The following RYR3 variants were observed in gnomAD, a reference collection of about 807,000 sequenced individuals.
The protein encoded by RYR3 is brain ryanodine receptor-calcium release channel.
RYR3 carries 207 observed loss-of-function variants against 584.3 expected under a neutral mutation model. The ratio of observed to expected loss-of-function variants is 0.35; its 90% CI spans 0.32 to 0.40. RYR3 has a LOEUF of 0.40. RYR3 is among the 10% of genes least tolerant of loss of function. The pLI is 1.00. For missense variants in RYR3, 5,616 were observed against 6,089.2 expected (o/e 0.92, Z 2.59); for synonymous variants, 2,416 against 2,248.5 (o/e 1.07, Z -2.11).
At chr15:33,672,875 G>A (rs1328696666) in intron 38 of RYR3, among the ~76,000 whole-genome samples, 2 of 152,102 alleles carry the variant, frequency 1.3e-5, no homozygotes, top group Admixed American at 1.3e-4. Context: ...TGTATAGTTG[G>A]GGGAAGCAGG....
Position 33,865,133 on chromosome 15 carries a change from A to T in RYR3, c.14520A>T (p.Glu4840Asp). ...ACCCGTTGTTCATATTATTTCAGGA[A>T]TCTTATGTCTGGAAGATGTACCAAG... ...NKDETEHTGQ[E>D]SYVWKMYQER... Residue 4840 changes from glutamate (E) to aspartate (D), a missense_variant and splice_region_variant, in exon 104 of 104, where the codon GAA becomes GAT. Coordinates refer to ENST00000634891, the MANE Select transcript of RYR3 (RefSeq NM_001036.6). 1 of 1,611,394 alleles carries T rather than the reference A, an allele frequency of 6.2e-7. No homozygotes were observed. The highest frequency in any genetic ancestry group is 8.5e-7 in the Non-Finnish European group (1 of 1,178,148).
intron 1 of RYR3, among the ~76,000 whole-genome samples, chr15:33,353,000 A>G (rs1402452173): frequency 7.0e-6 from 1 of 143,450 alleles, no homozygotes; most frequent in Non-Finnish European, 1.5e-5. Flanking sequence ...AGTGCCCCCC[A>G]AAATGGAGCA....
intron 69 of RYR3, among the ~76,000 whole-genome samples, chr15:33,806,522 T>C (rs1333531229): frequency 1.3e-5 from 2 of 149,566 alleles, no homozygotes; most frequent in Admixed American, 1.3e-4. Flanking sequence ...CGCAAGAAAA[T>C]AAAACGTTTC....
chr15:33,819,237 T>A (rs1200935741), intron 76 of RYR3, among the ~76,000 whole-genome samples: 1 of 152,242 alleles, frequency 6.6e-6, no homozygotes. Flanking sequence ...ATCTCTGAAT[T>A]CCATGTTAAG....
chr15:33,359,122 T>C (rs1974385831), intron 1 of RYR3, among the ~76,000 whole-genome samples: 1 of 152,198 alleles, frequency 6.6e-6, no homozygotes, highest in African/African-American at 2.4e-5. Flanking sequence ...GCTCCAACGG[T>C]GTGATAGTCT....
chr15:33,527,858 T>G (rs1290347492), intron 3 of RYR3, among the ~76,000 whole-genome samples: 1 of 152,058 alleles, frequency 6.6e-6, no homozygotes, highest in Non-Finnish European at 1.5e-5. Context: ...GGTCGGTGAT[T>G]AACAAAACCC....
intron 32 of RYR3, among the ~76,000 whole-genome samples, chr15:33,657,104 TG>T (rs2062860339): frequency 6.6e-6 from 1 of 152,138 alleles, no homozygotes; most frequent in South Asian, 2.1e-4. Context: ...AGCCCACACT[TG>T]TGTTTTTTTC....
intron 85 of RYR3, among the ~76,000 whole-genome samples, chr15:33,830,640 A>T (rs1383115819): frequency 2.0e-5 from 3 of 152,160 alleles, no homozygotes; most frequent in Admixed American, 2.0e-4. Flanking sequence ...ATTAGCTATT[A>T]TGTTGTTGCT....
At chr15:33,710,632 C>T (rs879699297) in intron 43 of RYR3, among the ~76,000 whole-genome samples, 49 of 152,156 alleles carry the variant, frequency 3.2e-4, no homozygotes, top group Non-Finnish European at 6.0e-4. Context: ...CTGTGAGGCT[C>T]CACACCTGCA....
chr15:33,737,283 G>C (rs1021963009), intron 49 of RYR3, among the ~76,000 whole-genome samples: 22 of 152,048 alleles, frequency 1.4e-4, no homozygotes, highest in Non-Finnish European at 2.2e-4. Flanking sequence ...TTATTGTCTT[G>C]TTTCTGGTTT....
Position 33,850,432 on chromosome 15 carries a change from T to C in RYR3, c.13628+2011T>C, listed in dbSNP as rs568900217. ...TTTCTAGCAATGTATCCTAAGGAGA[T>C]AATGAGACAAGTACACTAAAATGTC... is the stretch of plus-strand genomic sequence containing the variant. On this transcript the variant is annotated intron_variant, in intron 94 of 103. Coordinates refer to ENST00000634891, the MANE Select transcript of RYR3 (RefSeq NM_001036.6). The C allele has an allele frequency of 2.6e-5, 4 of 151,884 alleles. No homozygotes were observed. The South Asian group carries it at 8.3e-4, about 32-fold the overall frequency. 9.4% of individuals were successfully genotyped at this position (151,884 alleles called of 1,614,324 possible). A position where few individuals can be genotyped will look rare whatever the true frequency, so the allele number is the denominator to read the frequency against.
intron 2 of RYR3, among the ~76,000 whole-genome samples, chr15:33,490,528 C>G (rs1283666333): frequency 6.6e-6 from 1 of 152,104 alleles, no homozygotes; most frequent in East Asian, 1.9e-4. Flanking sequence ...TCAGCCTCAC[C>G]TCTTCAATTC....
intron 5 of RYR3, among the ~76,000 whole-genome samples, chr15:33,536,072 T>C (rs1269907815): frequency 6.6e-6 from 1 of 152,190 alleles, no homozygotes; most frequent in African/African-American, 2.4e-5. Flanking sequence ...GGTTCAGCAT[T>C]ACCTGGAGAT....
At chr15:33,571,306 T>G (rs918878462) in intron 12 of RYR3, among the ~76,000 whole-genome samples, 1 of 152,198 alleles carries the variant, frequency 6.6e-6, no homozygotes, top group Non-Finnish European at 1.5e-5. Context: ...AGCATTAGAT[T>G]TTTTCAAATG....
At chr15:33,709,630 C>T (rs545553654) in intron 43 of RYR3, among the ~76,000 whole-genome samples, 60 of 152,206 alleles carry the variant, frequency 3.9e-4, no homozygotes, top group Non-Finnish European at 7.5e-4. Flanking sequence ...TGCACACTCT[C>T]TTGCCATGTG....
At chr15:33,699,095 TAGTC>T (rs2066072781) in intron 40 of RYR3, among the ~76,000 whole-genome samples, 1 of 152,154 alleles carries the variant, frequency 6.6e-6, no homozygotes. Flanking sequence ...ATGACAAAAG[TAGTC>T]AGGGAAGACT....
chr15:33,575,705 C>G (rs2058264310), intron 12 of RYR3, among the ~76,000 whole-genome samples: 1 of 151,982 alleles, frequency 6.6e-6, no homozygotes, highest in Non-Finnish European at 1.5e-5. Flanking sequence ...ACTAAAAGAA[C>G]TGGAGAACCA....
chr15:33,447,690 C>G (rs2046787391), intron 1 of RYR3, among the ~76,000 whole-genome samples: 2 of 152,126 alleles, frequency 1.3e-5, no homozygotes. Context: ...AATAAAAATT[C>G]AGTTCCCCAG....
At chr15:33,671,351 A>G (rs1014521004) in intron 38 of RYR3, among the ~76,000 whole-genome samples, 1 of 152,208 alleles carries the variant, frequency 6.6e-6, no homozygotes, top group African/African-American at 2.4e-5. Context: ...CTTGTTACCT[A>G]TTCCTATCCA....
Sources: gnomAD v4.1 joint callset for allele counts (sites outside exome capture counted in the v4.1 genomes callset) on GRCh38, gnomAD v4.1.1 for gene constraint, MANE v1.5 for transcripts, NCBI Gene and HGNC (gene_info 2026-07-23, HGNC 2026-07-21) for gene names.